Variants in APOO observed in about 807,000 individuals in gnomAD.
APOO encodes the protein MICOS complex subunit MIC26.
Under a neutral mutation model 23.1 loss-of-function variants are expected in APOO, and 11 were observed. The ratio of observed to expected loss-of-function variants is 0.48; its 90% CI spans 0.30 to 0.79. APOO has a LOEUF of 0.79. APOO is among the 30% of genes least tolerant of loss of function. APOO has a pLI of 0.07. For synonymous variants in APOO, 59 were observed against 54.8 expected (o/e 1.08, Z -0.34); for missense variants, 160 against 142.7 (o/e 1.12, Z -0.62).
chrX:23,889,477 C>G (rs1443291726), intron 1 of APOO, among the ~76,000 whole-genome samples: 1 of 110,296 alleles, frequency 9.1e-6, no homozygotes, highest in East Asian at 2.8e-4. Context: ...CTTTCTTTTT[C>G]AACTTTATAG....
chrX:23,897,381 A>C (rs1312701460), intron 1 of APOO, among the ~76,000 whole-genome samples: 1 of 112,401 alleles, frequency 8.9e-6, no homozygotes, highest in African/African-American at 3.2e-5. Context: ...GTTTTGAGTC[A>C]TCCAGTTGGG....
chrX:23,897,456 T>C (rs1195058679), intron 1 of APOO, among the ~76,000 whole-genome samples: 1 of 111,888 alleles, frequency 8.9e-6, no homozygotes, highest in African/African-American at 3.2e-5. Flanking sequence ...GAATTTATTT[T>C]GAACTTCCTC....
chrX:23,857,935 G>A (rs941100134), intron 6 of APOO, among the ~76,000 whole-genome samples: 2 of 111,226 alleles, frequency 1.8e-5, no homozygotes, highest in African/African-American at 6.5e-5. Flanking sequence ...ACAGACTGCT[G>A]GCCCTTACTC....
rs114590831 is a variant in APOO at position 23,843,200 on chromosome X, C to A, written c.562-2823G>T. The stretch of plus-strand genomic sequence containing the variant: ...TTCACAAGCTTTTTTATCTTTTGGA[C>A]AATAAGAAAATGAGCACACAAAAGC... On this transcript the variant is annotated intron_variant, in intron 7 of 8. Coordinates refer to ENST00000379226, the MANE Select transcript of APOO (RefSeq NM_024122.5). Among the ~76,000 whole-genome samples, 640 of 111,713 alleles carry A rather than the reference C, an allele frequency of 5.7e-3. 8 individuals carry two copies. The highest frequency in any genetic ancestry group is 0.02 in the African/African-American group (610 of 30,797).
intron 1 of APOO, among the ~76,000 whole-genome samples, chrX:23,886,764 C>T (rs1049867010): frequency 8.9e-6 from 1 of 111,907 alleles, no homozygotes; most frequent in African/African-American, 3.2e-5. Context: ...TCCCTCTTAA[C>T]AGTAAAAAGG....
chrX:23,871,852 C>G (rs185274816), intron 4 of APOO, among the ~76,000 whole-genome samples: 11 of 111,866 alleles, frequency 9.8e-5, no homozygotes, highest in Non-Finnish European at 1.3e-4. Flanking sequence ...GAAAACTCAG[C>G]AATTCTGTCC....
At chrX:23,856,248 A>C in intron 7 of APOO, 54 bp downstream of exon 7, 12 of 1,089,196 alleles carry the variant, frequency 1.1e-5, no homozygotes, top group Non-Finnish European at 1.5e-5. Flanking sequence ...ACAAAACCCT[A>C]GAGAAACCAC....
At position 23,889,862 on chromosome X, in the gene APOO, T is replaced by C. The variant is rs187551937; in HGVS notation, c.10-8910A>G. On this transcript the variant is annotated intron_variant, in intron 1 of 8. Coordinates refer to ENST00000379226, the MANE Select transcript of APOO (RefSeq NM_024122.5). ...ATTTTTAGTAGAGACGGGGTTTCAC[T>C]GTGTTAGCCAGGATGGTCTCAATCT... 9.0e-3 allele frequency among the ~76,000 whole-genome samples: 984 copies of C among 109,431 alleles called. 7 individuals are homozygous for C. The highest frequency in any genetic ancestry group is 0.023 in the Middle Eastern group (5 of 215).
chrX:23,844,493 CAGA>C (rs1389256349), intron 7 of APOO, among the ~76,000 whole-genome samples: 10 of 110,914 alleles, frequency 9.0e-5, no homozygotes, highest in African/African-American at 3.3e-4. Flanking sequence ...AAGAGGGAGG[CAGA>C]AGAAGAGGTC....
Position 23,833,563 on chromosome X carries a change from T to C in APOO, c.*79A>G, listed in dbSNP as rs1923510902. 8.9e-6 allele frequency: 1 copy of C among 112,467 alleles called. No individual in the cohort carries two copies. The highest frequency in any genetic ancestry group is 1.9e-5 in the Non-Finnish European group (1 of 53,300). The allele number at this position is 112,467 out of a possible 1,213,427, so 9.3% of individuals were successfully genotyped here. ...TCAATACTGACTTCTATGCCATTTT[T>C]CTGTAGAAATACTGATTTATTCTAT... On this transcript the variant is annotated 3_prime_UTR_variant, in exon 9 of 9. Coordinates refer to ENST00000379226, the MANE Select transcript of APOO (RefSeq NM_024122.5).
intron 1 of APOO, among the ~76,000 whole-genome samples, chrX:23,882,108 T>G (rs773295064): frequency 3.6e-5 from 4 of 111,645 alleles, no homozygotes; most frequent in Non-Finnish European, 7.5e-5. Flanking sequence ...ATGTCAGCAC[T>G]AGCTGGCTAA....
At chrX:23,903,526 A>G in intron 1 of APOO, among the ~76,000 whole-genome samples, 1 of 111,346 alleles carries the variant, frequency 9.0e-6, no homozygotes, top group African/African-American at 3.3e-5. Context: ...ATTTTCTGAC[A>G]CTCTTCTGGT....
intron 1 of APOO, among the ~76,000 whole-genome samples, chrX:23,896,830 T>TG (rs1926924793): frequency 9.7e-6 from 1 of 103,347 alleles, no homozygotes; most frequent in African/African-American, 3.6e-5. Context: ...TTGGTAGAGA[T>TG]GGAGTCTCAC....
chrX:23,856,327 T>C lies in APOO; in HGVS notation c.536A>G (p.Asp179Gly), dbSNP rs755451321. 2.9e-5 allele frequency: 35 copies of C among 1,208,268 alleles called. No homozygotes were observed. Among genetic ancestry groups the C allele is most frequent in the Non-Finnish European group, 3.7e-5 (33 of 894,548 alleles). Residue 179 changes from aspartate to glycine, a missense_variant, in exon 7 of 9, where the codon GAT (aspartate) becomes GGT (glycine). Transcript: ENST00000379226. ...WGLRGYIVIE[D>G]LWKENFQKPG... ...CTTTTGAAAGTTCTCCTTCCACAAA[T>C]CTTCTATGACTATATATCCTCGTAA...
intron 1 of APOO, among the ~76,000 whole-genome samples, chrX:23,891,116 C>T (rs990763610): frequency 1.8e-5 from 2 of 111,511 alleles, no homozygotes; most frequent in African/African-American, 6.5e-5. Context: ...TCTCTCCTCC[C>T]CTTTTGGGCC....
At chrX:23,885,839 G>T (rs1023228524) in intron 1 of APOO, among the ~76,000 whole-genome samples, 1 of 111,344 alleles carries the variant, frequency 9.0e-6, no homozygotes, top group Admixed American at 9.6e-5. Context: ...GGCCTTTTCA[G>T]CTTCCAGCAG....
At chrX:23,889,211 G>C (rs2147034133) in intron 1 of APOO, among the ~76,000 whole-genome samples, 1 of 111,493 alleles carries the variant, frequency 9.0e-6, no homozygotes, top group South Asian at 3.7e-4. Context: ...TAGATTCTTA[G>C]ACACAGTTTA....
At chrX:23,855,700 T>C (rs1239485966) in intron 7 of APOO, among the ~76,000 whole-genome samples, 1 of 111,549 alleles carries the variant, frequency 9.0e-6, no homozygotes, top group Non-Finnish European at 1.9e-5. Context: ...TAATCGGCTA[T>C]GTGGCCACTA....
In APOO at chrX:23,890,120, G is replaced by A. The variant is rs145215252; in HGVS notation, c.10-9168C>T. 3.6e-3 allele frequency among the ~76,000 whole-genome samples: 403 copies of A among 111,806 alleles called. 3 individuals carry two copies. The highest frequency in any genetic ancestry group is 0.012 in the African/African-American group (385 of 30,818). On this transcript the variant is annotated intron_variant, in intron 1 of 8. Transcript: ENST00000379226. The stretch of plus-strand genomic sequence containing the variant: ...CTTAGAGAACAGTTATTCAACTTAA[G>A]TTTGTATAAGCACTCAAACATACTT...
Sources: allele counts gnomAD v4.1 joint callset (sites outside exome capture counted in the v4.1 genomes callset), GRCh38; gene constraint gnomAD v4.1.1; transcripts MANE v1.5; gene names NCBI Gene and HGNC (gene_info 2026-07-23, HGNC 2026-07-21).